Variants in CENPN observed in about 807,000 individuals in gnomAD.
CENPN encodes centromere protein N, also known as interphase centromere complex protein 32.
CENPN carries 36 observed loss-of-function variants against 48.6 expected under a neutral mutation model. The observed-to-expected ratio is 0.74, with a 90% CI of 0.57 to 0.98. CENPN has a LOEUF of 0.98. CENPN is among the 50% of genes least tolerant of loss of function. The pLI, the probability that CENPN is intolerant of heterozygous loss-of-function variation, is 0.00. For missense variants in CENPN, 439 were observed against 399.2 expected, an observed-to-expected ratio of 1.10 and a Z score of -0.85; for synonymous variants, 166 against 135.2, an observed-to-expected ratio of 1.23 and a Z score of -1.58.
chr16:81,017,406 T>A, intron 4 of CENPN, 21 bp downstream of exon 4: 2 of 1,497,944 alleles, frequency 1.3e-6, no homozygotes, highest in Non-Finnish European at 1.9e-6. Flanking sequence ...CTGTTTACAA[T>A]TGAATATTTG....
At chr16:81,028,122 C>T (rs373609803) in intron 9 of CENPN, 49 bp from the exon 10 acceptor site, 160 of 1,318,696 alleles carry the variant, frequency 1.2e-4, no homozygotes, top group Middle Eastern at 5.7e-4. Context: ...TTTTACCATT[C>T]GTATTTATAC....
In CENPN at chr16:81,028,726, T is replaced by C; in HGVS notation, c.*75T>C. 3.2e-6 allele frequency: 5 copies of C among 1,544,514 alleles called. No individual in the cohort carries two copies. Among genetic ancestry groups the C allele is most frequent in the Non-Finnish European group, 4.3e-6 (5 of 1,152,972 alleles). ...GCACTTCAGTTCATGGCTAGCTGTA[T>C]AGCTTCCGTCTGTAAACTTGTATTT... On this transcript the variant is annotated 3_prime_UTR_variant, in exon 11 of 11. Coordinates refer to ENST00000305850, the MANE Select transcript of CENPN (RefSeq NM_001100624.3).
downstream of CENPN, among the ~76,000 whole-genome samples, chr16:81,032,265 A>C (rs1970805457): frequency 6.6e-6 from 1 of 152,218 alleles, no homozygotes; most frequent in South Asian, 2.1e-4. Flanking sequence ...GGACCTTTTC[A>C]TAAGGCCTGC....
At position 81,007,238 on chromosome 16, in the gene CENPN, A is replaced by C. The variant is rs1281597161; in HGVS notation, c.-50A>C. ...TGGCTTTGAAGGCGCGGCGAGCGGG[A>C]ACAGCTCTTGAGGAGTGAGACTGCA... On this transcript the variant is annotated 5_prime_UTR_variant, in exon 1 of 11. Coordinates refer to ENST00000305850, the MANE Select transcript of CENPN (RefSeq NM_001100624.3). 6.0e-6 allele frequency: 1 copy of C among 167,096 alleles called. No individual in the cohort carries two copies. Among genetic ancestry groups the C allele is most frequent in the Non-Finnish European group, 1.2e-5 (1 of 81,786 alleles). 10.4% of individuals were successfully genotyped at this position (167,096 alleles called of 1,614,324 possible).
intron 8 of CENPN, among the ~76,000 whole-genome samples, chr16:81,025,739 A>G (rs905202725): frequency 1.5e-5 from 2 of 135,350 alleles, no homozygotes; most frequent in Non-Finnish European, 3.0e-5. Context: ...GTCTCACTCT[A>G]TTTCCTAGGC....
chr16:81,013,788 G>A (rs1326368452), intron 2 of CENPN, among the ~76,000 whole-genome samples: 3 of 151,974 alleles, frequency 2.0e-5, no homozygotes, highest in African/African-American at 7.3e-5. Flanking sequence ...TGTCTTGATT[G>A]TGGTAGTGGT....
rs371826262 is a variant in CENPN, at chr16:81,030,010, C to T, written c.*1359C>T. On this transcript the variant is annotated 3_prime_UTR_variant, in exon 11 of 11. Coordinates refer to ENST00000305850, the MANE Select transcript of CENPN (RefSeq NM_001100624.3). ...AGAAGCAAAGTCATGTCTTACATGGCGGCAGGCAAGAGAGCTTGTGCAGGG... is the reference window on the plus strand; with the variant it reads ...AGAAGCAAAGTCATGTCTTACATGGTGGCAGGCAAGAGAGCTTGTGCAGGG... 2.0e-5 allele frequency among the ~76,000 whole-genome samples: 3 copies of T among 152,160 alleles called. No individual in the cohort carries two copies. Among genetic ancestry groups the T allele is most frequent in the African/African-American group, 4.8e-5 (2 of 41,430 alleles).
In CENPN at chr16:81,030,556, C is replaced by T. The variant is rs1337243912; in HGVS notation, c.*1905C>T. 4.3e-6 allele frequency: 1 copy of T among 231,640 alleles called. No homozygotes were observed. The highest frequency in any genetic ancestry group is 1.8e-4 in the East Asian group (1 of 5,514). The allele number at this position is 231,640 out of a possible 1,614,324, so 14.3% of individuals were successfully genotyped here. On this transcript the variant is annotated 3_prime_UTR_variant, in exon 11 of 11. Coordinates refer to ENST00000305850, the MANE Select transcript of CENPN (RefSeq NM_001100624.3). ...CCGAGGTCAGGAGTTCGAGACCAGC[C>T]TAGCCAACATGGCAAAACCTTGTCT... is the stretch of plus-strand genomic sequence containing the variant.
intron 9 of CENPN, 86 bp from the exon 10 acceptor site, chr16:81,028,085 G>T: frequency 9.1e-7 from 1 of 1,100,722 alleles, no homozygotes; most frequent in South Asian, 1.4e-5. Context: ...AAGAATTAAT[G>T]AAACGTATCA....
At chr16:81,011,901 T>C in intron 1 of CENPN, 29 bp from the exon 2 acceptor site, 1 of 1,577,252 alleles carries the variant, frequency 6.3e-7, no homozygotes, top group Non-Finnish European at 8.7e-7. Context: ...TGGTTAATAC[T>C]TTGTTGTGCT....
At chr16:81,010,542 G>A (rs79443917) in intron 1 of CENPN, among the ~76,000 whole-genome samples, 165 of 152,244 alleles carry the variant, frequency 1.1e-3, no homozygotes, top group East Asian at 0.01. Context: ...GTTCACAGGC[G>A]GTGCATTAAA....
intron 8 of CENPN, among the ~76,000 whole-genome samples, chr16:81,025,531 A>C (rs1236078019): frequency 6.6e-6 from 1 of 152,090 alleles, no homozygotes. Flanking sequence ...CAGGATATAA[A>C]ATTGTGTGTA....
chr16:81,024,616 A>G, intron 7 of CENPN, 99 bp from the exon 8 acceptor site: 2 of 784,946 alleles, frequency 2.5e-6, no homozygotes, highest in Non-Finnish European at 4.0e-6. Context: ...CTGTTGGAAA[A>G]AAATAAACAT....
downstream of CENPN, among the ~76,000 whole-genome samples, chr16:81,032,387 C>T (rs547134936): frequency 3.3e-5 from 5 of 152,298 alleles, no homozygotes; most frequent in Non-Finnish European, 5.9e-5. Flanking sequence ...GAATTACACA[C>T]GTTCCCCATC....
At chr16:81,008,960 ACTTTG>A (rs1459547382) in intron 1 of CENPN, among the ~76,000 whole-genome samples, 1 of 152,242 alleles carries the variant, frequency 6.6e-6, no homozygotes, top group Admixed American at 6.5e-5. Flanking sequence ...TAATCCCAGT[ACTTTG>A]GGAGGCCGAG....
At chr16:81,007,621 C>G (rs1969494440) in intron 1 of CENPN, among the ~76,000 whole-genome samples, 1 of 152,202 alleles carries the variant, frequency 6.6e-6, no homozygotes, top group Non-Finnish European at 1.5e-5. Flanking sequence ...TTTTGCTTTT[C>G]TGTCACCTCG....
chr16:81,011,810 G>A (rs960231016), intron 1 of CENPN, 120 bp from the exon 2 acceptor site: 23 of 779,138 alleles, frequency 3.0e-5, no homozygotes, highest in Non-Finnish European at 4.6e-5. Flanking sequence ...CAAGACCAAC[G>A]TGGGCAATCT....
chr16:81,017,041 G>A (rs537357887), intron 3 of CENPN: 500 of 287,506 alleles, frequency 1.7e-3, no homozygotes, highest in Admixed American at 3.3e-3. Flanking sequence ...GCATTCTGTG[G>A]AATGGAATAA....
chr16:81,028,284 C>G lies in CENPN; in HGVS notation c.924C>G (p.Ser308=). The G allele has an allele frequency of 6.2e-7, 1 of 1,614,124 alleles. No homozygotes were observed. The highest frequency in any genetic ancestry group is 8.5e-7 in the Non-Finnish European group (1 of 1,179,992). The change falls in exon 10 of 11, where the codon TCC becomes TCG. Residue 308 remains serine (S), a synonymous_variant. Coordinates refer to ENST00000305850, the MANE Select transcript of CENPN (RefSeq NM_001100624.3). The stretch of plus-strand genomic sequence containing the variant: ...CACATCTTCTGGAAGCATTGAAATC[C>G]TTAGCACCAGCGGGTGAGTGGTCAG... ...SSPHLLEALK[S]LAPAGIADAP... is the part of the protein sequence containing the mutation.
Sources: gnomAD v4.1 joint callset for allele counts (sites outside exome capture counted in the v4.1 genomes callset) on GRCh38, gnomAD v4.1.1 for gene constraint, MANE v1.5 for transcripts, NCBI Gene and HGNC (gene_info 2026-07-23, HGNC 2026-07-21) for gene names.